Variants in DGKK observed in about 807,000 individuals in gnomAD.
The protein encoded by DGKK is 142 kDa diacylglycerol kinase.
DGKK carries 35 observed loss-of-function variants against 92.2 expected under a neutral mutation model. That is an observed-to-expected ratio of 0.38 (90% CI 0.29 to 0.50). The LOEUF is 0.50. Ranked by LOEUF, DGKK falls within the 20% of genes least tolerant of loss-of-function variation. The pLI, the probability that DGKK is intolerant of heterozygous loss-of-function variation, is 0.92. For missense variants in DGKK, 910 were observed against 992.2 expected (o/e 0.92, Z 1.11); for synonymous variants, 368 against 360.6 (o/e 1.02, Z -0.23).
chrX:50,384,540 G>T (rs781871363), intron 16 of DGKK, among the ~76,000 whole-genome samples, 180 bp downstream of exon 16: 245 of 111,246 alleles, frequency 2.2e-3, no homozygotes, highest in Non-Finnish European at 3.5e-3. Flanking sequence ...TTCCTAATGG[G>T]GTCATTACTC....
chrX:50,402,259 A>T (rs2147128887), intron 7 of DGKK, among the ~76,000 whole-genome samples: 1 of 111,035 alleles, frequency 9.0e-6, no homozygotes, highest in South Asian at 3.9e-4. Context: ...AAATTAAAAA[A>T]TTAGCTGGGC....
intron 1 of DGKK, among the ~76,000 whole-genome samples, chrX:50,426,065 G>A (rs1314923333): frequency 2.7e-5 from 3 of 111,452 alleles, no homozygotes; most frequent in African/African-American, 9.8e-5. Context: ...AAAATTTAAC[G>A]GCTCCAATTC....
rs782542414 is a variant in DGKK, at chrX:50,389,278, T to A, written c.1927-660A>T. On this transcript the variant is annotated intron_variant, in intron 12 of 27. Transcript: ENST00000611977. ...CATTCAAACATCTACCAAGACTTGA[T>A]AATTCTATTTTTTGAGTATGTCTCA... 2.7e-5 allele frequency among the ~76,000 whole-genome samples: 3 copies of A among 112,311 alleles called. No homozygotes were observed. In the East Asian group the frequency reaches 8.4e-4, roughly 32 times the overall value.
chrX:50,424,115 TA>T, intron 2 of DGKK, 132 bp downstream of exon 2: 2 of 476,707 alleles, frequency 4.2e-6, no homozygotes, highest in Non-Finnish European at 6.7e-6. Context: ...AAGGGCAAGT[TA>T]AAAAAAGAGT....
chrX:50,408,871 G>T (rs73497585), intron 4 of DGKK, among the ~76,000 whole-genome samples: 31 of 111,817 alleles, frequency 2.8e-4, no homozygotes, highest in African/African-American at 9.8e-4. Flanking sequence ...TTTGGACTTA[G>T]ATTTAACGCT....
At chrX:50,394,612 T>G (rs1557225912) in intron 8 of DGKK, among the ~76,000 whole-genome samples, 1 of 112,295 alleles carries the variant, frequency 8.9e-6, no homozygotes, top group Non-Finnish European at 1.9e-5. Context: ...TAAGACACAT[T>G]AATCCCTTCA....
intron 1 of DGKK, among the ~76,000 whole-genome samples, chrX:50,434,272 C>T (rs1184671628): frequency 8.9e-6 from 1 of 112,062 alleles, no homozygotes; most frequent in African/African-American, 3.3e-5. Flanking sequence ...TTGTTTCTGG[C>T]TGGCAAATGC....
rs954158447 is a variant in DGKK, at chrX:50,365,712, T to C, written c.*3228A>G. On this transcript the variant is annotated 3_prime_UTR_variant, in exon 28 of 28. Coordinates refer to ENST00000611977, the MANE Select transcript of DGKK (RefSeq NM_001013742.4). Reference sequence around the variant, plus strand: ...TCATATAGCCAAGCAAGGTCTCATATAGGATGGAATGGTGCTAATGGGTTT... The same window carrying C: ...TCATATAGCCAAGCAAGGTCTCATACAGGATGGAATGGTGCTAATGGGTTT... 1.8e-5 allele frequency: 2 copies of C among 111,783 alleles called. No homozygotes were observed. The highest frequency in any genetic ancestry group is 3.8e-5 in the Non-Finnish European group (2 of 53,169). The allele number at this position is 111,783 out of a possible 1,213,427, so 9.2% of individuals were successfully genotyped here.
At chrX:50,372,897 C>T (rs1557223408) in intron 25 of DGKK, among the ~76,000 whole-genome samples, 1 of 111,844 alleles carries the variant, frequency 8.9e-6, no homozygotes, top group Non-Finnish European at 1.9e-5. Flanking sequence ...CAATCTAGCA[C>T]TTATGTGGCT....
chrX:50,408,938 T>C (rs782271268), intron 4 of DGKK, among the ~76,000 whole-genome samples: 30 of 111,536 alleles, frequency 2.7e-4, no homozygotes, highest in Non-Finnish European at 4.5e-4. Context: ...TTTTGCACAT[T>C]GGAAGGACAT....
intron 9 of DGKK, 90 bp from the exon 10 acceptor site, chrX:50,392,539 C>T (rs1924727659): frequency 2.9e-6 from 2 of 695,557 alleles, no homozygotes; most frequent in Admixed American, 5.1e-5. Flanking sequence ...AGGATTGCTG[C>T]TTTGGCACTC....
intron 22 of DGKK, 28 bp from the exon 23 acceptor site, chrX:50,376,946 AATG>A (rs1924291602): frequency 8.6e-7 from 1 of 1,159,287 alleles, no homozygotes; most frequent in South Asian, 2.1e-5. Context: ...GGCATATCCT[AATG>A]ATTGCTGTAG....
At chrX:50,445,765 C>T (rs1248118449) in intron 1 of DGKK, among the ~76,000 whole-genome samples, 1 of 111,209 alleles carries the variant, frequency 9.0e-6, no homozygotes, top group African/African-American at 3.3e-5. Context: ...GCTATTCGGG[C>T]TCCTTTTTGG....
At chrX:50,438,765 T>C (rs1253541885) in intron 1 of DGKK, among the ~76,000 whole-genome samples, 1 of 111,692 alleles carries the variant, frequency 9.0e-6, no homozygotes, top group Non-Finnish European at 1.9e-5. Flanking sequence ...TGCCATCTCC[T>C]TGCTAGGAAC....
intron 1 of DGKK, among the ~76,000 whole-genome samples, chrX:50,431,953 T>G (rs188326452): frequency 1.8e-5 from 2 of 111,942 alleles, no homozygotes; most frequent in East Asian, 5.7e-4. Flanking sequence ...TGCCTGCCAC[T>G]CTGTGAGTCC....
chrX:50,466,010 CTTTTTTCTTTTTTTTTT>C (rs1343926719), intron 1 of DGKK, among the ~76,000 whole-genome samples: 9 of 58,334 alleles, frequency 1.5e-4, no homozygotes, highest in Admixed American at 7.1e-4. Flanking sequence ...TTTTCTTTTT[CTTTTTTCTTTTTTTTTT>C]TTTTTTTTTT....
At chrX:50,378,811 A>T in intron 20 of DGKK, 120 bp from the exon 21 acceptor site, 1 of 519,946 alleles carries the variant, frequency 1.9e-6, no homozygotes, top group Non-Finnish European at 3.2e-6. Flanking sequence ...GAGTGGAAAC[A>T]CTTCATTATT....
Position 50,392,458 on chromosome X carries a change from A to G in DGKK, c.1596-9T>C. 8.4e-7 allele frequency: 1 copy of G among 1,191,291 alleles called. No individual in the cohort carries two copies. Among genetic ancestry groups the G allele is most frequent in the Non-Finnish European group, 1.1e-6 (1 of 876,932 alleles). On this transcript the variant is annotated splice_polypyrimidine_tract_variant and intron_variant, in intron 9 of 27. Coordinates refer to ENST00000611977, the MANE Select transcript of DGKK (RefSeq NM_001013742.4). ...TCTTGAACATAGACAGCCTGGAAGG[A>G]CAAAGAGGAAAGGGGGTCATTTCAT...
At chrX:50,412,096 A>C (rs1376570467) in intron 4 of DGKK, among the ~76,000 whole-genome samples, 1 of 111,885 alleles carries the variant, frequency 8.9e-6, no homozygotes, top group Non-Finnish European at 1.9e-5. Flanking sequence ...TCTTGGTGCT[A>C]AAAAAGTTTT....
Sources: gnomAD v4.1 joint callset for allele counts (sites outside exome capture counted in the v4.1 genomes callset) on GRCh38, gnomAD v4.1.1 for gene constraint, MANE v1.5 for transcripts, NCBI Gene and HGNC (gene_info 2026-07-23, HGNC 2026-07-21) for gene names.